CENPC: variants seen among roughly 807,000 people sequenced by gnomAD.
CENPC encodes CENP-C 1.
Under a neutral mutation model 112.1 loss-of-function variants are expected in CENPC, and 63 were observed. That is an observed-to-expected ratio of 0.56 (90% confidence interval 0.46 to 0.69). CENPC has a LOEUF of 0.69. CENPC is among the 30% of genes least tolerant of loss of function. The pLI, the probability that CENPC is intolerant of heterozygous loss-of-function variation, is 0.00. For missense variants in CENPC, 1,000 were observed against 1,103.8 expected (o/e 0.91, Z 1.33); for synonymous variants, 333 against 367.6 (o/e 0.91, Z 1.08).
chr4:67,532,475 T>C (rs1355444217), intron 4 of CENPC, among the ~76,000 whole-genome samples: 2 of 152,098 alleles, frequency 1.3e-5, no homozygotes, highest in Non-Finnish European at 2.9e-5. Flanking sequence ...CTATTCACAA[T>C]AGCAAAGACT....
At chr4:67,520,106 G>C (rs1353651289) in intron 5 of CENPC, among the ~76,000 whole-genome samples, 1 of 152,164 alleles carries the variant, frequency 6.6e-6, no homozygotes, top group Non-Finnish European at 1.5e-5. Context: ...GTGAAAGACA[G>C]GGTGGAGGCT....
At chr4:67,475,031 C>T in intron 17 of CENPC, 53 bp from the exon 18 acceptor site, 1 of 842,882 alleles carries the variant, frequency 1.2e-6, no homozygotes, top group Non-Finnish European at 1.8e-6. Context: ...GATAATACTT[C>T]AAAGGAACCT....
In CENPC at chr4:67,518,226, T is replaced by C. The variant is rs771699354; in HGVS notation, c.760A>G (p.Ile254Val). 23 of 1,558,350 alleles carry C rather than the reference T, an allele frequency of 1.5e-5. No individual in the cohort carries two copies. The East Asian group carries it at 5.1e-4, about 35-fold the overall frequency. Residue 254 changes from isoleucine to valine, a missense_variant, in exon 7 of 19, where the codon ATT (isoleucine) becomes GTT (valine). Physicochemically the swap from Ile to Val is conservative, Grantham distance 29. Coordinates refer to ENST00000273853, the MANE Select transcript of CENPC (RefSeq NM_001812.4). ...AAACTTTTTTTAGCTTGTCGTTGAA[T>C]TTCATATTCTGAATCTCGTATTCTA... ...QNRIRDSEYE[I>V]QRQAKKSFST... is the part of the protein sequence containing the mutation.
chr4:67,473,941 T>G (rs960786388), intron 18 of CENPC, among the ~76,000 whole-genome samples: 2 of 152,220 alleles, frequency 1.3e-5, no homozygotes, highest in Non-Finnish European at 2.9e-5. Context: ...CGATAGCTGA[T>G]GAAGCATACC....
chr4:67,510,321 A>T (rs1425721020), intron 9 of CENPC, among the ~76,000 whole-genome samples: 1 of 152,180 alleles, frequency 6.6e-6, no homozygotes, highest in African/African-American at 2.4e-5. Context: ...TCAATCACTT[A>T]GCTAACTCCT....
At position 67,471,970 on chromosome 4, in the gene CENPC, A is replaced by T. The variant is rs1724671488; in HGVS notation, c.*635T>A. 1 of 152,272 alleles carries T rather than the reference A, an allele frequency of 6.6e-6. No homozygotes were observed. Among genetic ancestry groups the T allele is most frequent in the African/African-American group, 2.4e-5 (1 of 41,468 alleles). The allele number at this position is 152,272 out of a possible 1,614,324, so 9.4% of individuals were successfully genotyped here. A position where few individuals can be genotyped will look rare whatever the true frequency, so the allele number is the denominator to read the frequency against. ...ACACACAAGGTGAGAATACCATGTG[A>T]TAATGCAAGTAGATTGAAATGCTAC... is the stretch of plus-strand genomic sequence containing the variant. On this transcript the variant is annotated 3_prime_UTR_variant, in exon 19 of 19. Coordinates refer to ENST00000273853, the MANE Select transcript of CENPC (RefSeq NM_001812.4).
At position 67,506,846 on chromosome 4, in the gene CENPC, T is replaced by A; in HGVS notation, c.1993A>T (p.Ile665Leu). 1 of 1,612,402 alleles carries A rather than the reference T, an allele frequency of 6.2e-7. No homozygotes were observed. Among genetic ancestry groups the A allele is most frequent in the Non-Finnish European group, 8.5e-7 (1 of 1,179,056 alleles). The change falls in exon 11 of 19, where the codon ATA becomes TTA. Residue 665 changes from isoleucine (I) to leucine (L), a missense_variant. Physicochemically the swap from Ile to Leu is conservative, Grantham distance 5. Coordinates refer to ENST00000273853, the MANE Select transcript of CENPC (RefSeq NM_001812.4). ...GAATCCAAGTTTGACTCTGTTGGTA[T>A]ATTACATGTATATCCACTGGTCTGA... ...KPQTSGYTCN[I>L]PTESNLDSGE...
At chr4:67,482,964 TG>T (rs1386156405) in intron 17 of CENPC, among the ~76,000 whole-genome samples, 1 of 152,164 alleles carries the variant, frequency 6.6e-6, no homozygotes, top group Admixed American at 6.5e-5. Flanking sequence ...AGTTGAATCA[TG>T]GGGGCAGTTA....
chr4:67,512,528 T>C lies in CENPC; in HGVS notation c.1486A>G (p.Lys496Glu). The C allele has an allele frequency of 6.4e-7, 1 of 1,574,402 alleles. No individual in the cohort carries two copies. Among genetic ancestry groups the C allele is most frequent in the Non-Finnish European group, 8.6e-7 (1 of 1,161,742 alleles). The change falls in exon 9 of 19, where the codon AAA becomes GAA. Residue 496 changes from lysine to glutamate, a missense_variant. Transcript: ENST00000273853. ...SSTRKDKEES[K>E]KKRFSSESKN... Reference sequence around the variant, plus strand: ...GACTCACTGGAAAAGCGCTTCTTTTTAGATTCTTCCTTATCTTTTCTAGTG... The same window carrying C: ...GACTCACTGGAAAAGCGCTTCTTTTCAGATTCTTCCTTATCTTTTCTAGTG...
intron 8 of CENPC, among the ~76,000 whole-genome samples, chr4:67,513,036 G>A (rs1425081966): frequency 2.0e-5 from 3 of 152,128 alleles, no homozygotes; most frequent in Non-Finnish European, 4.4e-5. Flanking sequence ...TTTAAAAGCT[G>A]TGGTCAGAGA....
chr4:67,512,689 T>G, intron 8 of CENPC, 120 bp from the exon 9 acceptor site: 1 of 640,720 alleles, frequency 1.6e-6, no homozygotes, highest in Non-Finnish European at 2.5e-6. Flanking sequence ...TGTGGCCTTT[T>G]CATCTCCATT....
intron 4 of CENPC, among the ~76,000 whole-genome samples, chr4:67,533,659 T>C (rs1411913357): frequency 6.6e-6 from 1 of 152,140 alleles, no homozygotes; most frequent in East Asian, 1.9e-4. Flanking sequence ...GGAAACATGC[T>C]AGCAATGGAG....
Position 67,506,865 on chromosome 4 carries a change from G to A in CENPC, c.1974C>T (p.Thr658=). The change falls in exon 11 of 19, where the codon ACC becomes ACT. Residue 658 remains threonine, a synonymous_variant. Transcript: ENST00000273853. Reference sequence around the variant, plus strand: ...TTGGTATATTACATGTATATCCACTGGTCTGAGGCTTTAGGGGAACATTCT... The same window carrying A: ...TTGGTATATTACATGTATATCCACTAGTCTGAGGCTTTAGGGGAACATTCT... ...TAQNVPLKPQ[T]SGYTCNIPTE... is the part of the protein sequence containing the mutation. The A allele has an allele frequency of 6.2e-7, 1 of 1,611,958 alleles. No individual in the cohort carries two copies. Among genetic ancestry groups the A allele is most frequent in the South Asian group, 1.1e-5 (1 of 90,988 alleles).
At chr4:67,532,154 C>A (rs1487373445) in intron 4 of CENPC, among the ~76,000 whole-genome samples, 1 of 152,198 alleles carries the variant, frequency 6.6e-6, no homozygotes, top group African/African-American at 2.4e-5. Flanking sequence ...AAATGCTCAT[C>A]AGCACTGGCC....
chr4:67,538,636 G>C (rs1271836213), intron 4 of CENPC, among the ~76,000 whole-genome samples: 1 of 152,220 alleles, frequency 6.6e-6, no homozygotes, highest in Non-Finnish European at 1.5e-5. Flanking sequence ...CGGTTACATA[G>C]AGAAAACTGC....
intron 12 of CENPC, among the ~76,000 whole-genome samples, chr4:67,499,602 T>C (rs1423745530): frequency 6.6e-6 from 1 of 152,230 alleles, no homozygotes; most frequent in Non-Finnish European, 1.5e-5. Context: ...AGGAATGCTG[T>C]GGCTTGTTTA....
In CENPC at chr4:67,519,413, T is replaced by C. The variant is rs770190749; in HGVS notation, c.421A>G (p.Ile141Val). 6.2e-7 allele frequency: 1 copy of C among 1,612,412 alleles called. No individual in the cohort carries two copies. The highest frequency in any genetic ancestry group is 8.5e-7 in the Non-Finnish European group (1 of 1,178,968). ...PDSKKISSRN[I>V]NDHHSEADEE... Reference sequence around the variant, plus strand: ...TCAGCTTCACTGTGATGATCATTTATGTTTCTACTTGATATTTTTTTCGAG... The same window carrying C: ...TCAGCTTCACTGTGATGATCATTTACGTTTCTACTTGATATTTTTTTCGAG... Residue 141 changes from isoleucine to valine, a missense_variant, in exon 6 of 19, where the codon ATA (isoleucine) becomes GTA (valine). Physicochemically the swap from Ile to Val is conservative, Grantham distance 29 (BLOSUM62 3). Coordinates refer to ENST00000273853, the MANE Select transcript of CENPC (RefSeq NM_001812.4).
chr4:67,500,245 C>A (rs1268386315), intron 12 of CENPC, among the ~76,000 whole-genome samples: 1 of 151,878 alleles, frequency 6.6e-6, no homozygotes, highest in Non-Finnish European at 1.5e-5. Context: ...AATGCAGTAT[C>A]TCCAAAATGC....
chr4:67,513,767 A>C (rs1725966290), intron 8 of CENPC, among the ~76,000 whole-genome samples: 1 of 152,174 alleles, frequency 6.6e-6, no homozygotes, highest in South Asian at 2.1e-4. Flanking sequence ...ATTTTTTTTA[A>C]CATTTTTATT....
Sources: gnomAD v4.1 joint callset for allele counts (sites outside exome capture counted in the v4.1 genomes callset) on GRCh38, gnomAD v4.1.1 for gene constraint, MANE v1.5 for transcripts, NCBI Gene and HGNC (gene_info 2026-07-23, HGNC 2026-07-21) for gene names.